Variants in TAFA2 observed in about 807,000 individuals in gnomAD.
TAFA2 encodes the protein TAFA chemokine like family member 2, also known as chemokine-like protein TAFA-2.
In TAFA2, 7 loss-of-function variants were observed where a neutral mutation model predicts 18.8. That is an observed-to-expected ratio of 0.37 (90% CI 0.21 to 0.70). The LOEUF (loss-of-function observed/expected upper bound fraction) is 0.70, where lower values mean the gene tolerates loss of function less well. TAFA2 is among the 30% of genes least tolerant of loss of function. The pLI, the probability that TAFA2 is intolerant of heterozygous loss-of-function variation, is 0.53. For synonymous variants in TAFA2, 60 were observed against 54.2 expected (o/e 1.11, Z -0.47); for missense variants, 122 against 158.1 (o/e 0.77, Z 1.23).
chr12:61,791,126 T>C (rs1192812954), intron 2 of TAFA2, among the ~76,000 whole-genome samples: 1 of 151,856 alleles, frequency 6.6e-6, no homozygotes, highest in Admixed American at 6.6e-5. Flanking sequence ...CATCAATAGA[T>C]GGTGCTGGGT....
chr12:62,228,004 AC>A (rs1334773296), intron 1 of TAFA2, among the ~76,000 whole-genome samples: 5 of 152,148 alleles, frequency 3.3e-5, no homozygotes, highest in African/African-American at 1.2e-4. Flanking sequence ...TGTTTTGGTT[AC>A]TATGGCTTTG....
chr12:62,237,075 A>G (rs1393974066), intron 1 of TAFA2, among the ~76,000 whole-genome samples: 2 of 152,162 alleles, frequency 1.3e-5, no homozygotes, highest in African/African-American at 4.8e-5. Flanking sequence ...TTGAACACCA[A>G]TGACTCTTAT....
chr12:61,987,526 A>G (rs758754704), intron 1 of TAFA2, among the ~76,000 whole-genome samples: 29 of 152,234 alleles, frequency 1.9e-4, no homozygotes, highest in Non-Finnish European at 3.4e-4. Flanking sequence ...CCTTTGTTAG[A>G]AACTACCATG....
chr12:62,110,608 T>TG (rs1455852360), intron 1 of TAFA2, among the ~76,000 whole-genome samples: 1 of 132,238 alleles, frequency 7.6e-6, no homozygotes, highest in Admixed American at 8.1e-5. Flanking sequence ...CATCTGGTCC[T>TG]GGGCTTTTTT....
chr12:61,914,690 C>A (rs765361624), intron 1 of TAFA2, among the ~76,000 whole-genome samples: 2 of 152,078 alleles, frequency 1.3e-5, no homozygotes, highest in Non-Finnish European at 2.9e-5. Context: ...AAAATTATTA[C>A]ATATTATTTA....
intron 1 of TAFA2, among the ~76,000 whole-genome samples, chr12:61,999,636 T>C (rs947329676): frequency 4.6e-5 from 7 of 152,234 alleles, no homozygotes; most frequent in Admixed American, 1.3e-4. Flanking sequence ...TTAATCCACC[T>C]GTGCCTGTTT....
chr12:62,082,729 C>A (rs531135099), intron 1 of TAFA2, among the ~76,000 whole-genome samples: 1 of 152,274 alleles, frequency 6.6e-6, no homozygotes, highest in Non-Finnish European at 1.5e-5. Context: ...GTAATTACAT[C>A]AAGTATTGAA....
intron 2 of TAFA2, among the ~76,000 whole-genome samples, chr12:61,828,623 A>G (rs899534404): frequency 6.6e-6 from 1 of 151,884 alleles, no homozygotes; most frequent in Non-Finnish European, 1.5e-5. Context: ...AAAATGAAAT[A>G]TGGTTTTACC....
intron 1 of TAFA2, among the ~76,000 whole-genome samples, chr12:62,040,800 G>A (rs1881736467): frequency 6.6e-6 from 1 of 152,148 alleles, no homozygotes; most frequent in Non-Finnish European, 1.5e-5. Flanking sequence ...AAAGGGAGAG[G>A]AGTGCTATAC....
intron 1 of TAFA2, among the ~76,000 whole-genome samples, chr12:62,218,902 CAAT>C (rs1427670245): frequency 6.6e-6 from 1 of 151,918 alleles, no homozygotes; most frequent in Non-Finnish European, 1.5e-5. Flanking sequence ...ATAGGAGATT[CAAT>C]AATATCATAC....
chr12:61,848,403 T>C (rs1395600526), intron 2 of TAFA2, among the ~76,000 whole-genome samples: 2 of 152,214 alleles, frequency 1.3e-5, no homozygotes, highest in African/African-American at 4.8e-5. Context: ...TAATTAGGAA[T>C]GACCTTATTA....
intron 2 of TAFA2, among the ~76,000 whole-genome samples, chr12:61,765,293 G>A (rs1483570525): frequency 6.6e-6 from 1 of 152,040 alleles, no homozygotes; most frequent in African/African-American, 2.4e-5. Context: ...ATAAACCTGA[G>A]TCTCTGAATG....
rs1879270513 is a variant in TAFA2, at chr12:61,972,116, ATGCACAGGATG to A, written c.-1-104701_-1-104691del. On this transcript the variant is annotated intron_variant, in intron 1 of 4. Transcript: ENST00000416284. ...TTTTAAGTTTTAAGTTCAGGGCTAC[ATGCACAGGATG>A]TGCAGGTTTGTTATACAGGTAAGCC... Among the ~76,000 whole-genome samples the A allele has an allele frequency of 3.3e-5, 5 of 151,610 alleles. 1 individual carries two copies. The South Asian group carries it at 1.0e-3, about 31-fold the overall frequency.
intron 2 of TAFA2, among the ~76,000 whole-genome samples, chr12:61,764,573 T>C (rs1869707555): frequency 6.6e-6 from 1 of 152,064 alleles, no homozygotes; most frequent in African/African-American, 2.4e-5. Flanking sequence ...TTTCCTTATC[T>C]GTAAAATGAA....
intron 1 of TAFA2, among the ~76,000 whole-genome samples, chr12:61,907,167 A>G (rs972419036): frequency 6.6e-6 from 1 of 152,222 alleles, no homozygotes; most frequent in Admixed American, 6.5e-5. Context: ...CCAAATGTTA[A>G]TCACCAAGAT....
rs1022298168 is a variant in TAFA2, at chr12:62,072,095, A to G, written c.-2+119164T>C. ...GACAAAGTTGCATATCCAGAGAAAG[A>G]TAGGTAAAGTAAAATGTAAAATGGG... On this transcript the variant is annotated intron_variant, in intron 1 of 4. Transcript: ENST00000416284. 3.3e-5 allele frequency among the ~76,000 whole-genome samples: 5 copies of G among 152,282 alleles called. No individual in the cohort carries two copies. The East Asian group carries it at 5.8e-4, about 18-fold the overall frequency.
chr12:61,818,426 C>T (rs762383939), intron 2 of TAFA2, among the ~76,000 whole-genome samples: 1 of 151,366 alleles, frequency 6.6e-6, no homozygotes. Flanking sequence ...GGATTTTAAA[C>T]TTTTGTTAAA....
At chr12:61,960,588 C>A (rs1920706) in intron 1 of TAFA2, among the ~76,000 whole-genome samples, 135,433 of 151,918 alleles carry the variant, frequency 0.89, 60,380 homozygotes, top group South Asian at 0.94. Context: ...TATTCAACTA[C>A]AATTTAGTCC....
chr12:61,794,699 G>A (rs1871119540), intron 2 of TAFA2, among the ~76,000 whole-genome samples: 1 of 151,642 alleles, frequency 6.6e-6, no homozygotes, highest in African/African-American at 2.4e-5. Context: ...AAATGCAAAG[G>A]ACATAAAATG....
Sources: allele counts gnomAD v4.1 joint callset (sites outside exome capture counted in the v4.1 genomes callset), GRCh38; gene constraint gnomAD v4.1.1; transcripts MANE v1.5; gene names NCBI Gene and HGNC (gene_info 2026-07-23, HGNC 2026-07-21).